RNF111: variants seen among roughly 807,000 people sequenced by gnomAD.
The protein encoded by RNF111 is ring finger protein 111, also known as E3 ubiquitin-protein ligase Arkadia.
In RNF111, 17 loss-of-function variants were observed where a neutral mutation model predicts 95.1. The observed-to-expected ratio is 0.18, with a 90% CI of 0.12 to 0.27. RNF111 has a LOEUF of 0.27. RNF111 is among the 10% of genes least tolerant of loss of function. The pLI, the probability that RNF111 is intolerant of heterozygous loss-of-function variation, is 1.00. For missense variants in RNF111, 1,189 were observed against 1,210.4 expected (o/e 0.98, Z 0.26); for synonymous variants, 440 against 414.8 (o/e 1.06, Z -0.74).
At chr15:59,076,838 A>G (rs542185627) in intron 7 of RNF111, among the ~76,000 whole-genome samples, 2 of 152,378 alleles carry the variant, frequency 1.3e-5, no homozygotes, top group South Asian at 4.1e-4. Context: ...TGAAAGCTTA[A>G]TAAACACTTG....
chr15:59,028,930 G>T (rs554503879), intron 1 of RNF111, among the ~76,000 whole-genome samples: 1 of 151,764 alleles, frequency 6.6e-6, no homozygotes, highest in East Asian at 1.9e-4. Flanking sequence ...CAGTCAGTGC[G>T]CCACTATCCT....
At chr15:59,008,210 G>A (rs1288530171) in intron 1 of RNF111, among the ~76,000 whole-genome samples, 1 of 151,976 alleles carries the variant, frequency 6.6e-6, no homozygotes, top group African/African-American at 2.4e-5. Context: ...GTTGTTTCAC[G>A]ACCATTTTTG....
At chr15:59,072,636 T>C (rs1200982539) in intron 6 of RNF111, among the ~76,000 whole-genome samples, 1 of 151,756 alleles carries the variant, frequency 6.6e-6, no homozygotes, top group Non-Finnish European at 1.5e-5. Flanking sequence ...TATTTTTTAG[T>C]AGAGACGGGG....
intron 5 of RNF111, among the ~76,000 whole-genome samples, chr15:59,061,526 T>TA (rs1211780823): frequency 1.9e-4 from 29 of 152,150 alleles, no homozygotes; most frequent in African/African-American, 4.8e-4. Context: ...GGGGAAATTT[T>TA]AAAAAAATGA....
intron 4 of RNF111, among the ~76,000 whole-genome samples, chr15:59,058,042 CT>C (rs1385621746): frequency 6.6e-6 from 1 of 152,156 alleles, no homozygotes; most frequent in African/African-American, 2.4e-5. Flanking sequence ...CTTTTATTTC[CT>C]TTTACTGTTT....
At chr15:59,032,856 C>T (rs2040982639) in intron 2 of RNF111, among the ~76,000 whole-genome samples, 1 of 152,156 alleles carries the variant, frequency 6.6e-6, no homozygotes, top group African/African-American at 2.4e-5. Context: ...TATCAGTGCT[C>T]TTGAGCCTGT....
chr15:59,031,640 GAGA>G lies in RNF111; in HGVS notation c.825_827del (p.Glu275del), dbSNP rs749811676. The G allele has an allele frequency of 8.1e-5, 130 of 1,613,978 alleles. No individual in the cohort carries two copies. Among genetic ancestry groups the G allele is most frequent in the South Asian group, 9.9e-5 (9 of 91,062 alleles). On this transcript the variant is annotated inframe_deletion, in exon 2 of 14. Coordinates refer to ENST00000348370, the MANE Select transcript of RNF111 (RefSeq NM_017610.8). ...TCCTCTTCTAGCTCATCAACTGAAG[GAGA>G]AGAAGATTTGTTTGTTTCTGCCAGT...
Position 59,066,789 on chromosome 15 carries a change from T to G in RNF111, c.1392T>G (p.Ser464Arg), listed in dbSNP as rs762281410. 1.2e-6 allele frequency: 2 copies of G among 1,613,954 alleles called. No individual in the cohort carries two copies. Among genetic ancestry groups the G allele is most frequent in the South Asian group, 2.2e-5 (2 of 91,076 alleles). ...ATGACTCAAGGAGAACTACATCTAGTGCTGTAACGGAAACTGGCCCTCCTG... is the reference window on the plus strand; with the variant it reads ...ATGACTCAAGGAGAACTACATCTAGGGCTGTAACGGAAACTGGCCCTCCTG... ...IGDDSRRTTS[S>R]AVTETGPPAM... The change falls in exon 6 of 14, where the codon AGT becomes AGG. Residue 464 changes from serine (S) to arginine (R), a missense_variant. By Grantham distance (110) the Ser-to-Arg change is moderately radical (BLOSUM62 -1). Transcript: ENST00000348370.
At chr15:59,079,269 T>C (rs1440171403) in intron 7 of RNF111, among the ~76,000 whole-genome samples, 1 of 152,240 alleles carries the variant, frequency 6.6e-6, no homozygotes, top group African/African-American at 2.4e-5. Context: ...GAAAAAATGC[T>C]GTGAATTTGA....
At chr15:59,034,947 A>G (rs1194989437) in intron 2 of RNF111, among the ~76,000 whole-genome samples, 1 of 152,228 alleles carries the variant, frequency 6.6e-6, no homozygotes, top group Non-Finnish European at 1.5e-5. Flanking sequence ...TAATAAAGAC[A>G]TACCCAAGAC....
At chr15:59,038,271 A>G (rs1361973970) in intron 2 of RNF111, among the ~76,000 whole-genome samples, 1 of 152,128 alleles carries the variant, frequency 6.6e-6, no homozygotes, top group Non-Finnish European at 1.5e-5. Flanking sequence ...TCAAACTACA[A>G]ATATCATTTT....
intron 1 of RNF111, among the ~76,000 whole-genome samples, chr15:59,012,048 TCTGTCA>T (rs2039848989): frequency 7.9e-6 from 1 of 125,828 alleles, no homozygotes. Flanking sequence ...GGAGTCTCGC[TCTGTCA>T]CCCAGGCGGG....
intron 6 of RNF111, among the ~76,000 whole-genome samples, chr15:59,072,236 A>G (rs2042959345): frequency 6.6e-6 from 1 of 152,152 alleles, no homozygotes; most frequent in South Asian, 2.1e-4. Flanking sequence ...TTGAAGTAAG[A>G]TAACAATGAA....
At chr15:59,059,954 A>G (rs1271510486) in intron 5 of RNF111, among the ~76,000 whole-genome samples, 3 of 152,212 alleles carry the variant, frequency 2.0e-5, no homozygotes, top group African/African-American at 2.4e-5. Context: ...TGTAATTTAC[A>G]TCTAGCAGAT....
rs536684808 is a variant in RNF111, at chr15:59,056,750, A to C, written c.1171+905A>C. On this transcript the variant is annotated intron_variant, in intron 4 of 13. Coordinates refer to ENST00000348370, the MANE Select transcript of RNF111 (RefSeq NM_017610.8). ...CAACAATCTCTTGGTTTTTGTTTTG[A>C]AGCACTGTAAATGATCTGTAAGACA... Among the ~76,000 whole-genome samples, 3 of 152,292 alleles carry C rather than the reference A, an allele frequency of 2.0e-5. No homozygotes were observed. In the East Asian group the frequency reaches 5.8e-4, roughly 29 times the overall value.
chr15:59,074,404 A>G (rs1289778976), intron 6 of RNF111, among the ~76,000 whole-genome samples: 2 of 152,174 alleles, frequency 1.3e-5, no homozygotes, highest in African/African-American at 2.4e-5. Context: ...TCCATAAATG[A>G]TCTTAGCTGG....
intron 1 of RNF111, among the ~76,000 whole-genome samples, chr15:59,018,506 C>T (rs1421583386): frequency 6.6e-6 from 1 of 151,970 alleles, no homozygotes; most frequent in South Asian, 2.1e-4. Context: ...AATTTATTTC[C>T]TTAAAAAATC....
At chr15:59,033,779 G>GT (rs1249606547) in intron 2 of RNF111, among the ~76,000 whole-genome samples, 2 of 151,804 alleles carry the variant, frequency 1.3e-5, no homozygotes, top group East Asian at 1.9e-4. Flanking sequence ...TAGCGTGTGT[G>GT]TTTTTTTTCA....
intron 8 of RNF111, among the ~76,000 whole-genome samples, chr15:59,082,602 A>C (rs1025452531): frequency 2.0e-5 from 3 of 152,176 alleles, no homozygotes; most frequent in Admixed American, 1.3e-4. Context: ...AAACAGCTGC[A>C]GTTTTTCAGT....
Sources: allele counts gnomAD v4.1 joint callset (sites outside exome capture counted in the v4.1 genomes callset), GRCh38; gene constraint gnomAD v4.1.1; transcripts MANE v1.5; gene names NCBI Gene and HGNC (gene_info 2026-07-23, HGNC 2026-07-21).